Variants in CFAP58 observed in about 807,000 individuals in gnomAD.
CFAP58 encodes the protein cilia- and flagella-associated protein 58.
Under a neutral mutation model 119.5 loss-of-function variants are expected in CFAP58, and 88 were observed. The ratio of observed to expected loss-of-function variants is 0.74; its 90% CI spans 0.62 to 0.88. The LOEUF (loss-of-function observed/expected upper bound fraction) is 0.88. Among genes scored for constraint, CFAP58 ranks in the 40% least tolerant of loss-of-function variants. The probability of loss-of-function intolerance (pLI) is 0.00; values close to 1 mark genes in which losing one functional copy is unlikely to be tolerated. For synonymous variants in CFAP58, 365 were observed against 366.3 expected (o/e 1.00, Z 0.04); for missense variants, 990 against 1,021.2 (o/e 0.97, Z 0.42).
At chr10:104,437,021 C>T (rs1183317568) in intron 15 of CFAP58, among the ~76,000 whole-genome samples, 1 of 152,166 alleles carries the variant, frequency 6.6e-6, no homozygotes, top group Admixed American at 6.5e-5. Flanking sequence ...TTATATATAT[C>T]CATTTCTATC....
In CFAP58 at chr10:104,355,883, C is replaced by A. The variant is rs563105748; in HGVS notation, c.9+1977C>A. Among the ~76,000 whole-genome samples, 12 of 152,250 alleles carry A rather than the reference C, an allele frequency of 7.9e-5. No homozygotes were observed. In the South Asian group the frequency reaches 2.5e-3, roughly 32 times the overall value. ...TCTTTGGTATTTTTCCATTCCTGTG[C>A]TAAGTGCCAGGTAAACAGGTAAAAC... On this transcript the variant is annotated intron_variant, in intron 1 of 17. Transcript: ENST00000369704.
At position 104,450,160 on chromosome 10, in the gene CFAP58, A is replaced by G; in HGVS notation, c.2466A>G (p.Leu822=). 1 of 1,613,768 alleles carries G rather than the reference A, an allele frequency of 6.2e-7. No individual in the cohort carries two copies. The highest frequency in any genetic ancestry group is 8.5e-7 in the Non-Finnish European group (1 of 1,179,860). The part of the protein sequence containing the change: ...VEKLTNELQN[L]KKKYLAQKRK... ...AACTTACCAATGAGCTCCAGAATTT[A>G]AAGAAGAAATACCTCGCTCAGAAAC... The change falls in exon 17 of 18, where the codon TTA becomes TTG. Residue 822 remains leucine, a synonymous_variant. Transcript: ENST00000369704.
At chr10:104,438,342 T>C (rs1381631463) in intron 15 of CFAP58, among the ~76,000 whole-genome samples, 2 of 67,794 alleles carry the variant, frequency 3.0e-5, no homozygotes, top group Non-Finnish European at 5.6e-5. Flanking sequence ...TTGTTTTTTG[T>C]TTTTTGTTTT....
chr10:104,395,060 T>C (rs1262872971), intron 11 of CFAP58, among the ~76,000 whole-genome samples: 1 of 152,244 alleles, frequency 6.6e-6, no homozygotes, highest in Non-Finnish European at 1.5e-5. Context: ...AAAAGATTAA[T>C]TATTACTCCA....
intron 11 of CFAP58, among the ~76,000 whole-genome samples, chr10:104,397,750 C>T (rs1199248953): frequency 6.6e-6 from 1 of 152,224 alleles, no homozygotes; most frequent in Non-Finnish European, 1.5e-5. Context: ...CAGAGCTCTT[C>T]CTCCACATTT....
chr10:104,365,777 T>C, intron 4 of CFAP58, 37 bp from the exon 5 acceptor site: 2 of 1,564,208 alleles, frequency 1.3e-6, no homozygotes, highest in Non-Finnish European at 1.7e-6. Flanking sequence ...TGGTCAGGGC[T>C]CATCTCTTTC....
At chr10:104,357,101 A>C (rs1167215414) in intron 1 of CFAP58, among the ~76,000 whole-genome samples, 1 of 152,250 alleles carries the variant, frequency 6.6e-6, no homozygotes, top group Non-Finnish European at 1.5e-5. Flanking sequence ...TCAGATTAGC[A>C]GGGTTAGGAC....
At chr10:104,382,317 C>A in intron 9 of CFAP58, 1 of 607,778 alleles carries the variant, frequency 1.6e-6, no homozygotes, top group East Asian at 2.8e-5. Flanking sequence ...TAGGGAGGGG[C>A]CCTGTAGGGT....
chr10:104,391,481 A>G (rs1318980169), intron 9 of CFAP58, among the ~76,000 whole-genome samples: 8 of 151,980 alleles, frequency 5.3e-5, no homozygotes, highest in African/African-American at 9.7e-5. Flanking sequence ...CTTCATGAAA[A>G]TTTTTCTTCT....
the CFAP58 span, among the ~76,000 whole-genome samples, chr10:104,345,250 G>A: frequency 2.6e-5 from 4 of 151,880 alleles, no homozygotes; most frequent in Admixed American, 2.6e-4. Context: ...AACTTTTTTT[G>A]AGTACTGATT....
chr10:104,427,893 C>T (rs957016444), intron 15 of CFAP58, among the ~76,000 whole-genome samples: 17 of 152,102 alleles, frequency 1.1e-4, no homozygotes, highest in African/African-American at 3.6e-4. Context: ...GAAATTTTGG[C>T]GTGACCTTAT....
At chr10:104,372,861 A>G (rs1482121562) in intron 7 of CFAP58, among the ~76,000 whole-genome samples, 4 of 152,184 alleles carry the variant, frequency 2.6e-5, no homozygotes, top group African/African-American at 4.8e-5. Context: ...CAATATCATT[A>G]TTTCTTCTTA....
intron 15 of CFAP58, among the ~76,000 whole-genome samples, chr10:104,419,397 C>T (rs1589929621): frequency 6.6e-6 from 1 of 152,078 alleles, no homozygotes; most frequent in African/African-American, 2.4e-5. Context: ...GCTTTTCAGG[C>T]ATTGTATCTT....
intron 9 of CFAP58, among the ~76,000 whole-genome samples, chr10:104,384,605 G>A (rs2011884526): frequency 6.6e-6 from 1 of 152,158 alleles, no homozygotes. Flanking sequence ...TAGCCTTTTT[G>A]TGGTAAGTAA....
Position 104,413,867 on chromosome 10 carries a change from A to G in CFAP58, c.2256+7074A>G, listed in dbSNP as rs17117008. 8.0e-3 allele frequency among the ~76,000 whole-genome samples: 1,211 copies of G among 152,274 alleles called. 17 individuals are homozygous for G. Among genetic ancestry groups the G allele is most frequent in the African/African-American group, 0.028 (1,157 of 41,534 alleles). On this transcript the variant is annotated intron_variant, in intron 15 of 17. Transcript: ENST00000369704. ...TGATAGCATTGGAGTAGGAAGCTCT[A>G]ACCTCTTGCTAGAGGCATTTAAAAC... is the stretch of plus-strand genomic sequence containing the variant.
rs535242109 is a variant in CFAP58, at chr10:104,365,872, A to T, written c.656A>T (p.Glu219Val). The change falls in exon 5 of 18, where the codon GAA becomes GTA. Residue 219 changes from glutamate to valine, a missense_variant. Coordinates refer to ENST00000369704, the MANE Select transcript of CFAP58 (RefSeq NM_001008723.2). ...NEASREFRKK[E>V]KLEKELKQIQ... is the part of the protein sequence containing the mutation. ...GCTTCCCGGGAGTTCCGGAAGAAGGAAAAACTAGAGAAAGAGCTCAAGCAG... is the reference window on the plus strand; with the variant it reads ...GCTTCCCGGGAGTTCCGGAAGAAGGTAAAACTAGAGAAAGAGCTCAAGCAG... The T allele has an allele frequency of 1.9e-6, 3 of 1,613,352 alleles. No individual in the cohort carries two copies. In the South Asian group the frequency reaches 3.3e-5, roughly 18 times the overall value.
chr10:104,398,567 C>G (rs1200521084), intron 11 of CFAP58, among the ~76,000 whole-genome samples: 1 of 152,198 alleles, frequency 6.6e-6, no homozygotes, highest in African/African-American at 2.4e-5. Context: ...AGCACCCTTT[C>G]TCCATAATTC....
In CFAP58 at chr10:104,393,550, G is replaced by A. The variant is rs923689912; in HGVS notation, c.1674+75G>A. 6.3e-6 allele frequency: 9 copies of A among 1,435,208 alleles called. No homozygotes were observed. In the African/African-American group the frequency reaches 1.3e-4, roughly 20 times the overall value. 88.9% of individuals were successfully genotyped at this position (1,435,208 alleles called of 1,614,324 possible). A position where few individuals can be genotyped will look rare whatever the true frequency, so the allele number is the denominator to read the frequency against. ...CAGGCGGCCTCCAGTCTCACTGAAGGCAGCCAGGGGCAGGGAGAACAACCA... is the reference window on the plus strand; with the variant it reads ...CAGGCGGCCTCCAGTCTCACTGAAGACAGCCAGGGGCAGGGAGAACAACCA... On this transcript the variant is annotated intron_variant, in intron 11 of 17. Transcript: ENST00000369704.
At chr10:104,406,631 G>A in intron 14 of CFAP58, 58 bp from the exon 15 acceptor site, 2 of 1,320,298 alleles carry the variant, frequency 1.5e-6, no homozygotes, top group Non-Finnish European at 1.1e-6. Context: ...TTACATAGAG[G>A]CCTCAGTGCT....
Sources: allele counts gnomAD v4.1 joint callset (sites outside exome capture counted in the v4.1 genomes callset), GRCh38; gene constraint gnomAD v4.1.1; transcripts MANE v1.5; gene names NCBI Gene and HGNC (gene_info 2026-07-23, HGNC 2026-07-21).